The following EVI5 variants were observed in gnomAD, a reference collection of about 807,000 sequenced individuals.
EVI5 encodes ecotropic viral integration site 5 protein homolog.
Under a neutral mutation model 112.0 loss-of-function variants are expected in EVI5, and 73 were observed. The observed-to-expected ratio is 0.65, with a 90% CI of 0.54 to 0.79. EVI5 has a LOEUF of 0.79. EVI5 is among the 30% of genes least tolerant of loss of function. The pLI, the probability that EVI5 is intolerant of heterozygous loss-of-function variation, is 0.00. For missense variants in EVI5, 900 were observed against 968.8 expected (o/e 0.93, Z 0.94); for synonymous variants, 305 against 319.9 (o/e 0.95, Z 0.50).
intron 11 of EVI5, among the ~76,000 whole-genome samples, chr1:92,665,344 AT>A (rs1401131113): frequency 6.6e-6 from 1 of 152,228 alleles, no homozygotes; most frequent in Non-Finnish European, 1.5e-5. Context: ...ACTACAAAAG[AT>A]TTTTCATCAA....
chr1:92,630,012 G>A (rs1318533402), intron 14 of EVI5, among the ~76,000 whole-genome samples: 5 of 152,082 alleles, frequency 3.3e-5, no homozygotes, highest in South Asian at 2.1e-4. Context: ...CTTTTTAATG[G>A]CTGCATAGTA....
At chr1:92,665,880 A>G (rs1664798643) in intron 11 of EVI5, 59 bp downstream of exon 11, 1 of 1,208,058 alleles carries the variant, frequency 8.3e-7, no homozygotes, top group Non-Finnish European at 1.2e-6. Flanking sequence ...TTTTTAATAA[A>G]TATACAGAAA....
rs754186134 is a variant in EVI5, at chr1:92,624,229, T to C, written c.1774A>G (p.Thr592Ala). The change falls in exon 16 of 20, where the codon ACA becomes GCA. Residue 592 changes from threonine to alanine, a missense_variant. Transcript: ENST00000684568. ...TTTATTTCTCTTATTTCTGCTTGTGTTTCAGCTTCTCTAAGTCGAATGGTC... is the reference window on the plus strand; with the variant it reads ...TTTATTTCTCTTATTTCTGCTTGTGCTTCAGCTTCTCTAAGTCGAATGGTC... ...LMTIRLREAETQAEIREIKQR... is the reference protein window; with the variant it reads ...LMTIRLREAEAQAEIREIKQR... 24 of 1,613,868 alleles carry C rather than the reference T, an allele frequency of 1.5e-5. No homozygotes were observed. Among genetic ancestry groups the C allele is most frequent in the Non-Finnish European group, 2.0e-5 (24 of 1,179,812 alleles).
At chr1:92,521,052 C>T (rs1660847964) in intron 19 of EVI5, among the ~76,000 whole-genome samples, 1 of 151,400 alleles carries the variant, frequency 6.6e-6, no homozygotes, top group Non-Finnish European at 1.5e-5. Context: ...GACTCTACCT[C>T]CCAGGCTCAG....
At chr1:92,731,164 A>T (rs1159413639) in intron 2 of EVI5, among the ~76,000 whole-genome samples, 20 of 152,120 alleles carry the variant, frequency 1.3e-4, no homozygotes. Flanking sequence ...TCTCTACTAA[A>T]AATACAAAAA....
intron 10 of EVI5, among the ~76,000 whole-genome samples, chr1:92,673,036 C>G (rs1179944161): frequency 6.6e-6 from 1 of 152,026 alleles, no homozygotes; most frequent in Non-Finnish European, 1.5e-5. Context: ...GGATAAGAAC[C>G]CTTTAATAAT....
intron 1 of EVI5, chr1:92,756,893 T>C: frequency 4.9e-6 from 2 of 404,530 alleles, no homozygotes; most frequent in East Asian, 1.2e-4. Context: ...TCTGAATGTT[T>C]CTTATAACCA....
At chr1:92,582,710 A>C (rs2101104896) in intron 18 of EVI5, among the ~76,000 whole-genome samples, 1 of 152,314 alleles carries the variant, frequency 6.6e-6, no homozygotes, top group African/African-American at 2.4e-5. Flanking sequence ...TGGTAGCCCA[A>C]GTTTCCTTTG....
At position 92,511,323 on chromosome 1, in the gene EVI5, C is replaced by G. The variant is rs1659178718; in HGVS notation, c.*2333G>C. The G allele has an allele frequency of 6.6e-6, 1 of 152,260 alleles. No homozygotes were observed. Among genetic ancestry groups the G allele is most frequent in the South Asian group, 2.1e-4 (1 of 4,818 alleles). The allele number at this position is 152,260 out of a possible 1,614,324, so 9.4% of individuals were successfully genotyped here. A position where few individuals can be genotyped will look rare whatever the true frequency, so the allele number is the denominator to read the frequency against. On this transcript the variant is annotated 3_prime_UTR_variant, in exon 20 of 20. Coordinates refer to ENST00000684568, the MANE Select transcript of EVI5 (RefSeq NM_001350197.2). ...AATTAGCCAGTTGTGGTGGCGTGCACCTGTAGTCCCAGCTACTTGGGAGCT... is the reference window on the plus strand; with the variant it reads ...AATTAGCCAGTTGTGGTGGCGTGCAGCTGTAGTCCCAGCTACTTGGGAGCT...
intron 16 of EVI5, among the ~76,000 whole-genome samples, chr1:92,611,786 G>A (rs1651881144): frequency 6.6e-6 from 1 of 151,646 alleles, no homozygotes; most frequent in Non-Finnish European, 1.5e-5. Context: ...AGAAGAGCCT[G>A]TAGTCCCAGC....
chr1:92,636,406 A>G lies in EVI5; in HGVS notation c.1393-70T>C, dbSNP rs1410366554. 2.7e-5 allele frequency: 35 copies of G among 1,282,628 alleles called. 1 individual carries two copies. The East Asian group carries it at 4.8e-4, about 17-fold the overall frequency. 79.5% of individuals were successfully genotyped at this position (1,282,628 alleles called of 1,614,324 possible). Reference sequence around the variant, plus strand: ...ATGTATATACAATAAAAACAATGCAACCACATAATACAGTTATATTACATT... The same window carrying G: ...ATGTATATACAATAAAAACAATGCAGCCACATAATACAGTTATATTACATT... On this transcript the variant is annotated intron_variant, in intron 13 of 19. Coordinates refer to ENST00000684568, the MANE Select transcript of EVI5 (RefSeq NM_001350197.2).
chr1:92,715,744 G>A (rs555672479), intron 2 of EVI5, among the ~76,000 whole-genome samples: 2 of 152,220 alleles, frequency 1.3e-5, no homozygotes, highest in South Asian at 2.1e-4. Flanking sequence ...GGAAAAACGG[G>A]ACACTCCTGC....
chr1:92,611,838 G>A (rs1651894343), intron 16 of EVI5, among the ~76,000 whole-genome samples: 1 of 151,932 alleles, frequency 6.6e-6, no homozygotes, highest in African/African-American at 2.4e-5. Context: ...GAGGTCAGGA[G>A]CTTGAGGCTG....
chr1:92,642,167 T>C (rs1557978192), intron 13 of EVI5, among the ~76,000 whole-genome samples: 2 of 152,168 alleles, frequency 1.3e-5, no homozygotes, highest in Non-Finnish European at 1.5e-5. Context: ...ATAATTTTTA[T>C]ATGATTTGCG....
chr1:92,663,393 A>G (rs985357259), intron 12 of EVI5, 27 bp downstream of exon 12: 33 of 1,291,002 alleles, frequency 2.6e-5, no homozygotes, highest in East Asian at 5.1e-5. Context: ...GATGTTTTAA[A>G]AAACTAAAAC....
intron 1 of EVI5, 115 bp from the exon 2 acceptor site, chr1:92,736,742 G>A (rs1039095162): frequency 1.3e-6 from 1 of 759,446 alleles, no homozygotes; most frequent in Admixed American, 2.3e-5. Context: ...TCTCTTTGAG[G>A]AAGTAAAGGT....
rs1439157767 is a variant in EVI5, at chr1:92,607,672, T to C, written c.1883A>G (p.Gln628Arg). Reference protein sequence around the residue: ...RRAEQEVISLQEKVQYLSAQN... With the variant: ...RRAEQEVISLREKVQYLSAQN... ...TGCAGAAAGATACTGCACTTTCTCC[T>C]GTAGGCTAATCACCTCTTGTTCTGC... Residue 628 changes from glutamine to arginine, a missense_variant, in exon 17 of 20, where the codon CAG (glutamine) becomes CGG (arginine). Gln to Arg is a conservative substitution (Grantham distance 43, BLOSUM62 1). Transcript: ENST00000684568. 38 of 1,606,136 alleles carry C rather than the reference T, an allele frequency of 2.4e-5. No individual in the cohort carries two copies. The highest frequency in any genetic ancestry group is 3.2e-5 in the Non-Finnish European group (38 of 1,175,886).
rs1348400959 is a variant in EVI5 at position 92,510,098 on chromosome 1, G to A, written c.*3558C>T. ...TTGAATCAGATCTTCAAAGAAAAGAGTGTTATTTCTAGTTTTTTGTTGTCC... is the reference window on the plus strand; with the variant it reads ...TTGAATCAGATCTTCAAAGAAAAGAATGTTATTTCTAGTTTTTTGTTGTCC... On this transcript the variant is annotated 3_prime_UTR_variant, in exon 20 of 20. Coordinates refer to ENST00000684568, the MANE Select transcript of EVI5 (RefSeq NM_001350197.2). The A allele has an allele frequency of 1.3e-5, 2 of 152,202 alleles. No homozygotes were observed. The highest frequency in any genetic ancestry group is 4.8e-5 in the African/African-American group (2 of 41,462). 9.4% of individuals were successfully genotyped at this position (152,202 alleles called of 1,614,324 possible).
intron 19 of EVI5, among the ~76,000 whole-genome samples, chr1:92,556,189 C>CA: frequency 6.6e-6 from 1 of 151,774 alleles, no homozygotes; most frequent in Middle Eastern, 3.4e-3. Flanking sequence ...ACAGCCTCCC[C>CA]AGTAGCTGAG....
Sources: allele counts gnomAD v4.1 joint callset (sites outside exome capture counted in the v4.1 genomes callset), GRCh38; gene constraint gnomAD v4.1.1; transcripts MANE v1.5; gene names NCBI Gene and HGNC (gene_info 2026-07-23, HGNC 2026-07-21).